Variants in STMN2 observed in about 807,000 individuals in gnomAD.
The protein encoded by STMN2 is stathmin-2.
A neutral mutation model predicts 24.1 loss-of-function variants in STMN2; 2 were observed. That is an observed-to-expected ratio of 0.08 (90% CI 0.03 to 0.26). STMN2 has a LOEUF of 0.26. STMN2 is among the 10% of genes least tolerant of loss of function. STMN2 has a pLI of 1.00. For missense variants in STMN2, 114 were observed against 213.6 expected (o/e 0.53, Z 2.91); for synonymous variants, 83 against 77.5 (o/e 1.07, Z -0.37).
At chr8:79,664,114 A>C (rs970192406) in intron 4 of STMN2, among the ~76,000 whole-genome samples, 2 of 152,224 alleles carry the variant, frequency 1.3e-5, no homozygotes, top group Non-Finnish European at 1.5e-5. Context: ...AGATTTATGC[A>C]GGTGTTCAAA....
intron 1 of STMN2, among the ~76,000 whole-genome samples, chr8:79,612,990 G>T (rs2130286758): frequency 6.6e-6 from 1 of 152,160 alleles, no homozygotes; most frequent in East Asian, 1.9e-4. Flanking sequence ...GGGTGGCTCT[G>T]CAGAAAAGCT....
At chr8:79,641,776 A>G (rs1810105882) in intron 3 of STMN2, among the ~76,000 whole-genome samples, 1 of 151,996 alleles carries the variant, frequency 6.6e-6, no homozygotes, top group Admixed American at 6.6e-5. Context: ...GATAGATGCT[A>G]ATTTTAGGCT....
chr8:79,636,311 T>C (rs1306844289), intron 1 of STMN2, among the ~76,000 whole-genome samples: 1 of 152,172 alleles, frequency 6.6e-6, no homozygotes, highest in East Asian at 1.9e-4. Context: ...GGATAATGTG[T>C]TTGCTTAATA....
rs1363122646 is a variant in STMN2, at chr8:79,665,553, T to G, written c.*679T>G. 1 of 154,426 alleles carries G rather than the reference T, an allele frequency of 6.5e-6. No homozygotes were observed. The highest frequency in any genetic ancestry group is 2.4e-5 in the African/African-American group (1 of 41,536). 9.6% of individuals were successfully genotyped at this position (154,426 alleles called of 1,614,324 possible). ...TGAGAAGACAGACCTGAGACCAATC[T>G]GGGTAGAAGCAAAAAGTTGAACCTT... On this transcript the variant is annotated 3_prime_UTR_variant, in exon 5 of 5. Transcript: ENST00000220876.
At chr8:79,649,015 A>G (rs1443859050) in intron 3 of STMN2, among the ~76,000 whole-genome samples, 1 of 152,192 alleles carries the variant, frequency 6.6e-6, no homozygotes, top group Non-Finnish European at 1.5e-5. Flanking sequence ...AATCAGCTTC[A>G]AAGTCACTAA....
intron 1 of STMN2, among the ~76,000 whole-genome samples, chr8:79,635,758 G>A (rs369686957): frequency 6.6e-6 from 1 of 152,114 alleles, no homozygotes; most frequent in Admixed American, 6.5e-5. Context: ...ACTACTAGAG[G>A]GGGGAAGGAG....
chr8:79,654,779 T>A (rs527976495), intron 3 of STMN2, 92 bp from the exon 4 acceptor site: 1 of 1,375,406 alleles, frequency 7.3e-7, no homozygotes, highest in African/African-American at 1.5e-5. Context: ...GTACTATTCA[T>A]CTGAAAAGAA....
At chr8:79,635,427 A>G (rs559820652) in intron 1 of STMN2, among the ~76,000 whole-genome samples, 1 of 152,338 alleles carries the variant, frequency 6.6e-6, no homozygotes, top group South Asian at 2.1e-4. Context: ...AGGAGAATAA[A>G]TCATTCTATT....
At chr8:79,611,411 T>C (rs1490094489) in intron 1 of STMN2, among the ~76,000 whole-genome samples, 197 bp downstream of exon 1, 2 of 152,156 alleles carry the variant, frequency 1.3e-5, no homozygotes, top group African/African-American at 4.8e-5. Flanking sequence ...AAGCGAAGAA[T>C]TTCTTTTAAA....
intron 3 of STMN2, among the ~76,000 whole-genome samples, chr8:79,646,983 G>A (rs534486625): frequency 9.2e-5 from 14 of 152,170 alleles, no homozygotes; most frequent in African/African-American, 3.4e-4. Flanking sequence ...GTAGCGAGGT[G>A]GGATTAGGGA....
chr8:79,647,948 A>C (rs1256213814), intron 3 of STMN2, among the ~76,000 whole-genome samples: 4 of 152,236 alleles, frequency 2.6e-5, no homozygotes, highest in African/African-American at 9.6e-5. Flanking sequence ...CAGAGTTAGC[A>C]TAACTATACA....
intron 1 of STMN2, among the ~76,000 whole-genome samples, chr8:79,612,949 A>G (rs1402258025): frequency 1.3e-5 from 2 of 151,902 alleles, no homozygotes; most frequent in Non-Finnish European, 2.9e-5. Flanking sequence ...CGTGGCTCTC[A>G]GCCCCAGCAC....
chr8:79,614,738 TA>T (rs2130291123), intron 1 of STMN2, among the ~76,000 whole-genome samples: 1 of 152,376 alleles, frequency 6.6e-6, no homozygotes, highest in Admixed American at 6.5e-5. Context: ...TACAGATTTG[TA>T]GTAAATTATT....
At chr8:79,632,626 G>A (rs1205839705) in intron 1 of STMN2, among the ~76,000 whole-genome samples, 2 of 152,126 alleles carry the variant, frequency 1.3e-5, no homozygotes, top group Non-Finnish European at 2.9e-5. Context: ...ATTCCTTTCA[G>A]GGATTATGAC....
chr8:79,634,210 T>G (rs1809883269), intron 1 of STMN2, among the ~76,000 whole-genome samples: 1 of 152,242 alleles, frequency 6.6e-6, no homozygotes, highest in Non-Finnish European at 1.5e-5. Context: ...GTTCATGGAA[T>G]TAAATGTATT....
At chr8:79,639,289 A>T (rs1192360321) in intron 2 of STMN2, among the ~76,000 whole-genome samples, 2 of 152,244 alleles carry the variant, frequency 1.3e-5, no homozygotes, top group Non-Finnish European at 2.9e-5. Context: ...GCACTTGAAG[A>T]TGTTTAGCCT....
intron 1 of STMN2, among the ~76,000 whole-genome samples, chr8:79,622,305 C>T (rs1809534458): frequency 1.3e-5 from 2 of 152,084 alleles, no homozygotes; most frequent in Admixed American, 6.6e-5. Context: ...AAATATTAAT[C>T]CCCTTCCCTG....
intron 1 of STMN2, among the ~76,000 whole-genome samples, chr8:79,613,274 T>C (rs1216329389): frequency 6.6e-6 from 1 of 152,018 alleles, no homozygotes; most frequent in Non-Finnish European, 1.5e-5. Context: ...CCCTCCCAGC[T>C]GAGGCCCAGA....
intron 3 of STMN2, among the ~76,000 whole-genome samples, chr8:79,650,467 T>C (rs534727996): frequency 3.9e-5 from 6 of 152,338 alleles, no homozygotes; most frequent in African/African-American, 1.2e-4. Context: ...ACTCACTTCA[T>C]GTCATGTTTT....
Sources: allele counts gnomAD v4.1 joint callset (sites outside exome capture counted in the v4.1 genomes callset), GRCh38; gene constraint gnomAD v4.1.1; transcripts MANE v1.5; gene names NCBI Gene and HGNC (gene_info 2026-07-23, HGNC 2026-07-21).